MGAT4C: variants seen among roughly 807,000 people sequenced by gnomAD.
MGAT4C encodes MGAT4 family member C, also known as alpha-1,3-mannosyl-glycoprotein 4-beta-N-acetylglucosaminyltransferase C.
A neutral mutation model predicts 40.1 loss-of-function variants in MGAT4C; 19 were observed. That is an observed-to-expected ratio of 0.47 (90% CI 0.33 to 0.70). The LOEUF is 0.70. Among genes scored for constraint, MGAT4C ranks in the 30% least tolerant of loss-of-function variants. The pLI is 0.02. For synonymous variants in MGAT4C, 181 were observed against 187.1 expected (o/e 0.97, Z 0.27); for missense variants, 491 against 563.2 (o/e 0.87, Z 1.30).
intron 2 of MGAT4C, among the ~76,000 whole-genome samples, chr12:86,437,905 T>C (rs1432923814): frequency 2.0e-5 from 3 of 151,892 alleles, no homozygotes; most frequent in Non-Finnish European, 4.4e-5. Context: ...CTTCTTCTAC[T>C]AGAGACTCCC....
chr12:86,489,039 T>C lies in MGAT4C; in HGVS notation c.-228-53774A>G, dbSNP rs557231122. 3.3e-5 allele frequency among the ~76,000 whole-genome samples: 5 copies of C among 152,112 alleles called. No individual in the cohort carries two copies. The East Asian group carries it at 5.8e-4, about 18-fold the overall frequency. On this transcript the variant is annotated intron_variant, in intron 2 of 7. Transcript: ENST00000548651. The stretch of plus-strand genomic sequence containing the variant: ...CCCAGCTGGTGCTCTCTGAATAACA[T>C]CTTTTTGCCAGTCGAATGTTGCCTT...
chr12:86,766,453 G>C lies in MGAT4C; in HGVS notation c.-261-39212C>G, dbSNP rs557569604. Among the ~76,000 whole-genome samples the C allele has an allele frequency of 9.3e-4, 142 of 152,138 alleles. 1 individual carries two copies. Among genetic ancestry groups the C allele is most frequent in the African/African-American group, 3.3e-3 (136 of 41,516 alleles). ...AACACCCCACTGTCAACATTAGAAA[G>C]ATCAACGAGACAGAAAGTTAACAAG... On this transcript the variant is annotated intron_variant, in intron 1 of 7. Coordinates refer to the MGAT4C transcript ENST00000548651.
Position 85,974,692 on chromosome 12 carries a change from C to CA in MGAT4C, c.*4596dup, listed in dbSNP as rs1354292396. 2 of 149,954 alleles carry CA rather than the reference C, an allele frequency of 1.3e-5. No homozygotes were observed. Among genetic ancestry groups the CA allele is most frequent in the Non-Finnish European group, 3.0e-5 (2 of 66,744 alleles). The allele number at this position is 149,954 out of a possible 1,614,324, so 9.3% of individuals were successfully genotyped here. A position where few individuals can be genotyped will look rare whatever the true frequency, so the allele number is the denominator to read the frequency against. On this transcript the variant is annotated 3_prime_UTR_variant, in exon 5 of 5. Coordinates refer to ENST00000611864, the MANE Select transcript of MGAT4C (RefSeq NM_001351288.2). ...AATAAAAAAAAAGTTTAAAAGCAAA[C>CA]AAAAAATAAATGGCAATAACTAATC...
At chr12:86,799,438 A>G (rs1248675940) in intron 1 of MGAT4C, among the ~76,000 whole-genome samples, 2 of 151,892 alleles carry the variant, frequency 1.3e-5, no homozygotes, top group Admixed American at 6.6e-5. Flanking sequence ...ATTATTTCCT[A>G]TGTGGATACT....
intron 3 of MGAT4C, among the ~76,000 whole-genome samples, chr12:86,350,040 T>C (rs1028803931): frequency 6.6e-6 from 1 of 152,082 alleles, no homozygotes; most frequent in Non-Finnish European, 1.5e-5. Context: ...ACTTTACCTA[T>C]GTGATTTCTT....
intron 1 of MGAT4C, among the ~76,000 whole-genome samples, chr12:86,081,789 A>C (rs1448843795): frequency 6.6e-6 from 1 of 152,268 alleles, no homozygotes; most frequent in Non-Finnish European, 1.5e-5. Flanking sequence ...AAATAAGGCC[A>C]ACTATCTGGA....
chr12:86,331,665 T>C (rs1021760726), intron 4 of MGAT4C, among the ~76,000 whole-genome samples: 1 of 152,198 alleles, frequency 6.6e-6, no homozygotes, highest in African/African-American at 2.4e-5. Context: ...GATCATAACC[T>C]GATCGTCTCC....
intron 3 of MGAT4C, among the ~76,000 whole-genome samples, chr12:86,416,553 T>A (rs989570095): frequency 6.6e-6 from 1 of 152,076 alleles, no homozygotes. Flanking sequence ...CTAGACTAAA[T>A]GCTCACATTT....
chr12:86,053,516 G>A (rs1893091565), intron 1 of MGAT4C, among the ~76,000 whole-genome samples: 1 of 151,776 alleles, frequency 6.6e-6, no homozygotes, highest in South Asian at 2.1e-4. Context: ...TACTGGTCTG[G>A]AAAATGACTT....
chr12:86,639,372 T>C (rs1963312797), intron 2 of MGAT4C, among the ~76,000 whole-genome samples: 1 of 151,736 alleles, frequency 6.6e-6, no homozygotes, highest in Non-Finnish European at 1.5e-5. Flanking sequence ...AAGAGAACTT[T>C]GTATAAGTAT....
intron 3 of MGAT4C, among the ~76,000 whole-genome samples, chr12:86,339,845 T>G (rs1236048243): frequency 6.6e-6 from 1 of 152,182 alleles, no homozygotes; most frequent in African/African-American, 2.4e-5. Context: ...CTTTTTCCTT[T>G]CTCTGTTTAA....
At chr12:86,329,494 C>T (rs1464436382) in intron 4 of MGAT4C, among the ~76,000 whole-genome samples, 1 of 152,154 alleles carries the variant, frequency 6.6e-6, no homozygotes, top group African/African-American at 2.4e-5. Flanking sequence ...GCTGACATGC[C>T]TGCCAAAATA....
intron 3 of MGAT4C, among the ~76,000 whole-genome samples, chr12:86,386,913 C>T (rs992765362): frequency 1.3e-5 from 2 of 152,086 alleles, no homozygotes; most frequent in African/African-American, 4.8e-5. Context: ...GTTTGCATAG[C>T]TGACTAATAA....
At chr12:86,544,787 T>G (rs1959184577) in intron 2 of MGAT4C, among the ~76,000 whole-genome samples, 2 of 152,106 alleles carry the variant, frequency 1.3e-5, no homozygotes, top group African/African-American at 4.8e-5. Context: ...GCTTATTTCC[T>G]GGAACTTAGA....
chr12:86,090,533 T>C (rs1872701832), intron 1 of MGAT4C, among the ~76,000 whole-genome samples: 1 of 151,768 alleles, frequency 6.6e-6, no homozygotes, highest in Non-Finnish European at 1.5e-5. Flanking sequence ...TTGCAGTACT[T>C]TTCTCTCATG....
At chr12:86,250,081 G>A (rs559872562) in intron 1 of MGAT4C, among the ~76,000 whole-genome samples, 27 of 152,206 alleles carry the variant, frequency 1.8e-4, no homozygotes, top group Middle Eastern at 3.4e-3. Flanking sequence ...TAAATAATTT[G>A]TAGAATGAGT....
At chr12:86,075,060 C>A in intron 1 of MGAT4C, among the ~76,000 whole-genome samples, 1 of 152,144 alleles carries the variant, frequency 6.6e-6, no homozygotes, top group South Asian at 2.1e-4. Context: ...TAACTCATTT[C>A]AGCATTAACC....
At chr12:86,255,896 T>C (rs1952496371) in intron 1 of MGAT4C, among the ~76,000 whole-genome samples, 2 of 152,092 alleles carry the variant, frequency 1.3e-5, no homozygotes, top group Non-Finnish European at 2.9e-5. Flanking sequence ...TTAATACTAA[T>C]AGAAAAATAT....
At chr12:86,190,580 G>A (rs1305997290) in intron 1 of MGAT4C, among the ~76,000 whole-genome samples, 5 of 151,974 alleles carry the variant, frequency 3.3e-5, no homozygotes, top group Non-Finnish European at 5.9e-5. Context: ...GTGTTTCTAT[G>A]AGAATTTTGG....
Sources: allele counts gnomAD v4.1 joint callset (sites outside exome capture counted in the v4.1 genomes callset), GRCh38; gene constraint gnomAD v4.1.1; transcripts MANE v1.5; gene names NCBI Gene and HGNC (gene_info 2026-07-23, HGNC 2026-07-21).